Variants in SLC16A5 observed in about 807,000 individuals in gnomAD.
SLC16A5 encodes monocarboxylate transporter 6.
SLC16A5 carries 29 observed loss-of-function variants against 33.2 expected under a neutral mutation model. The ratio of observed to expected loss-of-function variants is 0.87; its 90% CI spans 0.65 to 1.19. The LOEUF (loss-of-function observed/expected upper bound fraction) is 1.19, where lower values mean the gene tolerates loss of function less well. Among genes scored for constraint, SLC16A5 ranks in the 50% most tolerant of loss-of-function variants. The probability of loss-of-function intolerance (pLI) is 0.00; values close to 1 mark genes in which losing one functional copy is unlikely to be tolerated. For missense variants in SLC16A5, 606 were observed against 678.2 expected (o/e 0.89, Z 1.18); for synonymous variants, 248 against 284.1 (o/e 0.87, Z 1.28).
intron 2 of SLC16A5, among the ~76,000 whole-genome samples, chr17:75,092,822 C>CGTGTGTGT (rs10541835): frequency 7.4e-6 from 1 of 135,970 alleles, no homozygotes; most frequent in Non-Finnish European, 1.6e-5. Context: ...TGTGCCACTG[C>CGTGTGTGT]GTGTGTGTGT....
At chr17:75,092,945 C>T (rs1256838085) in intron 2 of SLC16A5, among the ~76,000 whole-genome samples, 3 of 151,650 alleles carry the variant, frequency 2.0e-5, no homozygotes, top group Non-Finnish European at 4.4e-5. Context: ...GCAAAGGGGC[C>T]GATGGGAAAG....
In SLC16A5 at chr17:75,103,040, G is replaced by A. The variant is rs147756735; in HGVS notation, c.1154-930G>A. On this transcript the variant is annotated intron_variant, in intron 5 of 6. Transcript: ENST00000329783. The stretch of plus-strand genomic sequence containing the variant: ...AGAGTAGCTGGGACTACAGGTGCGT[G>A]CCACCACACTCGGCTAATTTTTGTA... 8.7e-3 allele frequency among the ~76,000 whole-genome samples: 1,325 copies of A among 152,244 alleles called. 11 individuals carry two copies. Among genetic ancestry groups the A allele is most frequent in the African/African-American group, 0.03 (1,252 of 41,534 alleles).
At chr17:75,104,577 A>G in intron 6 of SLC16A5, 1 of 631,666 alleles carries the variant, frequency 1.6e-6, no homozygotes. Context: ...TCTGCCCCCC[A>G]AGTAGCTGAG....
intron 5 of SLC16A5, among the ~76,000 whole-genome samples, chr17:75,103,095 T>C (rs528452970): frequency 6.6e-6 from 1 of 152,292 alleles, no homozygotes; most frequent in South Asian, 2.1e-4. Flanking sequence ...TTCACTGTAT[T>C]GGCCAGGCTG....
chr17:75,106,034 G>A lies in SLC16A5; in HGVS notation c.*1G>A, dbSNP rs1330909259. On this transcript the variant is annotated 3_prime_UTR_variant, in exon 7 of 7. Coordinates refer to ENST00000329783, the MANE Select transcript of SLC16A5 (RefSeq NM_004695.4). ...TCTGGGCTGGAATAGCCCTACCTGA[G>A]TGCCCTGTTTGACTCCGCCACTATC... 2.0e-6 allele frequency: 3 copies of A among 1,503,368 alleles called. No homozygotes were observed. The highest frequency in any genetic ancestry group is 1.9e-5 in the Admixed American group (1 of 52,546). The allele number at this position is 1,503,368 out of a possible 1,614,324, so 93.1% of individuals were successfully genotyped here.
chr17:75,092,797 ATGTG>A (rs1568004054), intron 2 of SLC16A5, among the ~76,000 whole-genome samples: 1 of 139,190 alleles, frequency 7.2e-6, no homozygotes, highest in Non-Finnish European at 1.6e-5. Flanking sequence ...GTGACTGGGT[ATGTG>A]TCTGTGTCTG....
chr17:75,093,704 C>A lies in SLC16A5; in HGVS notation c.68C>A (p.Thr23Asn), dbSNP rs758058230. ...GTGGTGCTGCTGGCCACCATGGTGA[C>A]CCAGGGCCTCACCCTGGGCTTCCCC... ...AWVVLLATMV[T>N]QGLTLGFPTC... Residue 23 changes from threonine to asparagine, a missense_variant, in exon 3 of 7, where the codon ACC becomes AAC. Coordinates refer to ENST00000329783, the MANE Select transcript of SLC16A5 (RefSeq NM_004695.4). The A allele has an allele frequency of 6.2e-7, 1 of 1,613,972 alleles. No homozygotes were observed. Among genetic ancestry groups the A allele is most frequent in the Non-Finnish European group, 8.5e-7 (1 of 1,179,946 alleles).
intron 3 of SLC16A5, among the ~76,000 whole-genome samples, chr17:75,094,646 A>G (rs1422457467): frequency 6.7e-6 from 1 of 149,990 alleles, no homozygotes. Flanking sequence ...AGATGGTGCC[A>G]TTGCACTCCA....
In SLC16A5 at chr17:75,099,974, G is replaced by A. The variant is rs571604764; in HGVS notation, c.344-33G>A. On this transcript the variant is annotated intron_variant, in intron 4 of 6. Transcript: ENST00000329783. Reference sequence around the variant, plus strand: ...GGGTGCAGGTGGAAGGCCCCAGTGCGCCTCCAGGCTGGTTTCCCCTCTTGC... The same window carrying A: ...GGGTGCAGGTGGAAGGCCCCAGTGCACCTCCAGGCTGGTTTCCCCTCTTGC... 288 of 1,580,506 alleles carry A rather than the reference G, an allele frequency of 1.8e-4. 1 individual carries two copies. In the South Asian group the frequency reaches 2.1e-3, roughly 12 times the overall value.
At chr17:75,108,949 C>T (rs2073884339), downstream of SLC16A5, among the ~76,000 whole-genome samples, 1 of 152,064 alleles carries the variant, frequency 6.6e-6, no homozygotes, top group African/African-American at 2.4e-5. Flanking sequence ...GGGCTGTGTC[C>T]GGGTTTTTTT....
chr17:75,101,058 C>A (rs2073792618), intron 5 of SLC16A5, among the ~76,000 whole-genome samples: 1 of 151,364 alleles, frequency 6.6e-6, no homozygotes, highest in African/African-American at 2.4e-5. Flanking sequence ...ACCATCCTGG[C>A]CAACATGGTG....
intron 2 of SLC16A5, 171 bp from the exon 3 acceptor site, chr17:75,093,418 C>T: frequency 6.5e-7 from 1 of 1,535,856 alleles, no homozygotes; most frequent in Non-Finnish European, 8.7e-7. Context: ...AAAGGAGATG[C>T]CAAGGCCAAC....
Position 75,104,148 on chromosome 17 carries a change from C to A in SLC16A5, c.1332C>A (p.Asp444Glu). ...GGGATCTTTTCTTGGAAGCCAAAGA[C>A]GGTCCTGGGAAGCAACGGTCCCCTG... The part of the protein sequence containing the change: ...LERDLFLEAK[D>E]GPGKQRSPEI... The change falls in exon 6 of 7, where the codon GAC becomes GAA. Residue 444 changes from aspartate to glutamate, a missense_variant. Asp to Glu is a conservative substitution (Grantham distance 45). Transcript: ENST00000329783. 1 of 1,614,142 alleles carries A rather than the reference C, an allele frequency of 6.2e-7. No homozygotes were observed. Among genetic ancestry groups the A allele is most frequent in the Non-Finnish European group, 8.5e-7 (1 of 1,180,030 alleles).
intron 6 of SLC16A5, chr17:75,105,527 C>T: frequency 2.0e-6 from 2 of 985,422 alleles, no homozygotes; most frequent in Non-Finnish European, 2.4e-6. Flanking sequence ...TCCCCGTACA[C>T]CTGTGCCTGT....
chr17:75,106,050 C>T lies in SLC16A5; in HGVS notation c.*17C>T, dbSNP rs368648524. 1.3e-5 allele frequency: 18 copies of T among 1,340,572 alleles called. No homozygotes were observed. The African/African-American group carries it at 1.6e-4, about 12-fold the overall frequency. 83.0% of individuals were successfully genotyped at this position (1,340,572 alleles called of 1,614,324 possible). On this transcript the variant is annotated 3_prime_UTR_variant, in exon 7 of 7. Transcript: ENST00000329783. ...CCTACCTGAGTGCCCTGTTTGACTC[C>T]GCCACTATCTGCCATGTGAGTTGGG...
chr17:75,109,152 C>A (rs905593621), downstream of SLC16A5, among the ~76,000 whole-genome samples: 20 of 152,188 alleles, frequency 1.3e-4, no homozygotes, highest in African/African-American at 4.8e-4. This position sits in a 1 kb window ranked among gnomAD's most constrained non-coding sequence, Gnocchi z 5.0. Context: ...TGATAATCTC[C>A]GAGAAGGAAT....
At chr17:75,092,288 C>T (rs1055820396) in intron 2 of SLC16A5, among the ~76,000 whole-genome samples, 4 of 151,368 alleles carry the variant, frequency 2.6e-5, no homozygotes, top group African/African-American at 7.3e-5. Flanking sequence ...TGAGTGTCTA[C>T]GCATCTGTGT....
downstream of SLC16A5, among the ~76,000 whole-genome samples, chr17:75,108,487 C>T (rs2073879801): frequency 1.3e-5 from 2 of 152,154 alleles, no homozygotes; most frequent in African/African-American, 4.8e-5. Flanking sequence ...GGCCTGCTTC[C>T]AATGGGGCTG....
chr17:75,100,926 A>C, intron 5 of SLC16A5, 110 bp downstream of exon 5: 2 of 1,095,404 alleles, frequency 1.8e-6, no homozygotes, highest in Admixed American at 5.6e-5. Flanking sequence ...GCTGGTTTCC[A>C]ACCTGGCACT....
Sources: allele counts gnomAD v4.1 joint callset (sites outside exome capture counted in the v4.1 genomes callset), GRCh38; gene constraint gnomAD v4.1.1; non-coding constraint Gnocchi (gnomAD v3.1); transcripts MANE v1.5; gene names NCBI Gene and HGNC (gene_info 2026-07-23, HGNC 2026-07-21).